Variants in UBA5 observed in about 807,000 individuals in gnomAD.
UBA5 encodes ubiquitin like modifier activating enzyme 5.
In UBA5, 28 loss-of-function variants were observed where a neutral mutation model predicts 52.9. That is an observed-to-expected ratio of 0.53 (90% CI 0.39 to 0.73). UBA5 has a LOEUF of 0.73. UBA5 is among the 30% of genes least tolerant of loss of function. UBA5 has a pLI of 0.00. For synonymous variants in UBA5, 135 were observed against 162.1 expected (o/e 0.83, Z 1.27); for missense variants, 388 against 492.7 (o/e 0.79, Z 2.01).
intron 10 of UBA5, 22 bp downstream of exon 10, chr3:132,675,702 G>A: frequency 6.3e-7 from 1 of 1,584,358 alleles, no homozygotes; most frequent in Non-Finnish European, 8.6e-7. Context: ...TTTATAAATT[G>A]AAATGGCAGT....
intron 3 of UBA5, 146 bp downstream of exon 3, chr3:132,666,219 C>T: frequency 1.6e-6 from 1 of 635,026 alleles, no homozygotes; most frequent in Non-Finnish European, 2.8e-6. Context: ...CGGGTTGAGA[C>T]ATATCCCCAC....
At chr3:132,657,866 C>CTTT (rs56190801), upstream of UBA5, among the ~76,000 whole-genome samples, 73 of 119,156 alleles carry the variant, frequency 6.1e-4, no homozygotes, top group African/African-American at 1.8e-3. Context: ...ACACATATTC[C>CTTT]TTTTTTTTTT....
intron 1 of UBA5, among the ~76,000 whole-genome samples, chr3:132,661,787 C>CT (rs1445022449): frequency 5.9e-5 from 9 of 152,038 alleles, no homozygotes; most frequent in South Asian, 2.1e-4. Flanking sequence ...TTTATTGTTG[C>CT]TTTTTTCCTT....
chr3:132,668,982 T>C (rs1162453186), intron 4 of UBA5, 55 bp downstream of exon 4: 2 of 1,169,126 alleles, frequency 1.7e-6, no homozygotes, highest in Non-Finnish European at 2.5e-6. Context: ...TTTATGTATT[T>C]GATATGAGTT....
Position 132,675,433 on chromosome 3 carries a change from A to C in UBA5, c.948+50A>C, listed in dbSNP as rs780110027. On this transcript the variant is annotated intron_variant, in intron 9 of 11. Transcript: ENST00000356232. ...ATGAGGGATCATATTGAATAGGACA[A>C]TACATAAACAGATTTGGAATACAAG... is the stretch of plus-strand genomic sequence containing the variant. 1.3e-5 allele frequency: 20 copies of C among 1,580,400 alleles called. No individual in the cohort carries two copies. The Admixed American group carries it at 3.2e-4, about 25-fold the overall frequency.
chr3:132,659,474 A>G, upstream of UBA5: 1 of 1,335,178 alleles, frequency 7.5e-7, no homozygotes, highest in South Asian at 1.3e-5. Flanking sequence ...TCATGCCTGT[A>G]GGGTGCGTCC....
chr3:132,660,715 G>A lies in UBA5; in HGVS notation c.161+17G>A, dbSNP rs981017603. The A allele has an allele frequency of 2.0e-6, 3 of 1,524,570 alleles. No individual in the cohort carries two copies. The highest frequency in any genetic ancestry group is 2.7e-6 in the Non-Finnish European group (3 of 1,130,276). The allele number at this position is 1,524,570 out of a possible 1,614,324, so 94.4% of individuals were successfully genotyped here. A position where few individuals can be genotyped will look rare whatever the true frequency, so the allele number is the denominator to read the frequency against. On this transcript the variant is annotated intron_variant, in intron 1 of 11. Coordinates refer to ENST00000356232, the MANE Select transcript of UBA5 (RefSeq NM_024818.6). The surrounding 1 kb of genome is among the most constrained non-coding windows in gnomAD (Gnocchi z 4.1). Reference sequence around the variant, plus strand: ...TCCCTACAGGTAACCTGCGTCGCCGGTCGGAGGCAGGCGCGGGGGACGAGG... The same window carrying A: ...TCCCTACAGGTAACCTGCGTCGCCGATCGGAGGCAGGCGCGGGGGACGAGG...
In UBA5 at chr3:132,665,991, G is replaced by A. The variant is rs150313260; in HGVS notation, c.215G>A (p.Arg72His). 1.7e-5 allele frequency: 28 copies of A among 1,613,312 alleles called. No individual in the cohort carries two copies. The highest frequency in any genetic ancestry group is 8.9e-5 in the East Asian group (4 of 44,866). Residue 72 changes from arginine (R) to histidine (H), a missense_variant, in exon 3 of 12, where the codon CGT (arginine) becomes CAT (histidine). By Grantham distance (29) the Arg-to-His change is conservative. Transcript: ENST00000356232. The part of the protein sequence containing the change: ...MGIVSDYEKI[R>H]TFAVAIVGVG... ...CTATTTTATATTTCACAGAAAATCC[G>A]TACCTTTGCCGTAGCAATAGTAGGT...
At chr3:132,657,879 T>TC (rs1183727405), upstream of UBA5, among the ~76,000 whole-genome samples, 1 of 147,018 alleles carries the variant, frequency 6.8e-6, no homozygotes, top group East Asian at 1.9e-4. Context: ...TTTTTTTTTT[T>TC]TTTTTTTGAG....
rs1576655986 is a variant in UBA5, at chr3:132,678,308, A to G, written c.*1782A>G. On this transcript the variant is annotated 3_prime_UTR_variant, in exon 12 of 12. Coordinates refer to ENST00000356232, the MANE Select transcript of UBA5 (RefSeq NM_024818.6). The stretch of plus-strand genomic sequence containing the variant: ...ATACTCTCTTGACAGTCTGTATGCC[A>G]TGAAAACTTGCATAAGAAGGCAGCT... 6.6e-6 allele frequency among the ~76,000 whole-genome samples: 1 copy of G among 152,246 alleles called. No homozygotes were observed. Among genetic ancestry groups the G allele is most frequent in the Non-Finnish European group, 1.5e-5 (1 of 68,048 alleles).
At chr3:132,662,621 T>C (rs1372619441) in intron 1 of UBA5, among the ~76,000 whole-genome samples, 1 of 152,208 alleles carries the variant, frequency 6.6e-6, no homozygotes, top group Non-Finnish European at 1.5e-5. Flanking sequence ...AAAAGAAATA[T>C]AAAGCACCTG....
At chr3:132,667,756 G>A (rs1176213943) in intron 3 of UBA5, 1 of 152,158 alleles carries the variant, frequency 6.6e-6, no homozygotes. Flanking sequence ...GAGCTAATTA[G>A]TGGCAGAGTT....
Position 132,671,033 on chromosome 3 carries a change from G to T in UBA5, c.563G>T (p.Arg188Leu), listed in dbSNP as rs368103311. The T allele has an allele frequency of 1.2e-6, 2 of 1,613,010 alleles. No homozygotes were observed. Among genetic ancestry groups the T allele is most frequent in the Non-Finnish European group, 1.7e-6 (2 of 1,179,326 alleles). ...AGCTGTGTGGACAATTTTGAAGCTC[G>T]AATGACAATAAATACAGTGAGTATT... is the stretch of plus-strand genomic sequence containing the variant. Reference protein sequence around the residue: ...VLSCVDNFEARMTINTACNEL... With the variant: ...VLSCVDNFEALMTINTACNEL... Residue 188 changes from arginine (R) to leucine (L), a missense_variant, in exon 6 of 12, where the codon CGA (arginine) becomes CTA (leucine). Arg to Leu is a moderately radical substitution (Grantham distance 102, BLOSUM62 -2). This residue lies in a region of UBA5 where 277 missense variants were observed against 326.4 expected (regional missense o/e 0.85). Coordinates refer to ENST00000356232, the MANE Select transcript of UBA5 (RefSeq NM_024818.6).
chr3:132,675,996 A>T, intron 11 of UBA5, 73 bp downstream of exon 11: 1 of 1,009,598 alleles, frequency 9.9e-7, no homozygotes, highest in East Asian at 2.6e-5. Flanking sequence ...CTAATTTGTA[A>T]TGCCAATGAA....
upstream of UBA5, chr3:132,659,348 C>A: frequency 2.0e-6 from 1 of 492,390 alleles, no homozygotes; most frequent in Non-Finnish European, 3.5e-6. Context: ...GACATAAATC[C>A]ATCCTTTAAC....
intron 1 of UBA5, among the ~76,000 whole-genome samples, chr3:132,664,435 G>C (rs1311282689): frequency 6.6e-6 from 1 of 152,088 alleles, no homozygotes; most frequent in Non-Finnish European, 1.5e-5. Context: ...ATTTACCTTT[G>C]CCGTACCCTT....
upstream of UBA5, chr3:132,659,855 G>T: frequency 7.2e-7 from 1 of 1,395,226 alleles, no homozygotes; most frequent in Non-Finnish European, 9.4e-7. Context: ...CCGAGGCCGG[G>T]GTGGGGTCTG....
upstream of UBA5, chr3:132,659,557 A>G (rs148570290): frequency 8.6e-4 from 1,382 of 1,606,948 alleles, 13 homozygotes; most frequent in African/African-American, 0.017. Flanking sequence ...AGGAAAACTC[A>G]ATGTACAAAT....
chr3:132,655,112 G>A (rs377564948), intron 1 of UBA5, among the ~76,000 whole-genome samples: 2 of 152,108 alleles, frequency 1.3e-5, no homozygotes, highest in Admixed American at 6.5e-5. Context: ...TATGCAGCCC[G>A]TCATTGACCA....
Sources: gnomAD v4.1 joint callset for allele counts (sites outside exome capture counted in the v4.1 genomes callset) on GRCh38, gnomAD v4.1.1 for gene constraint, gnomAD v4.1.1 regional missense constraint, Gnocchi (gnomAD v3.1) non-coding constraint, MANE v1.5 for transcripts, NCBI Gene and HGNC (gene_info 2026-07-23, HGNC 2026-07-21) for gene names.